The following ATRNL1 variants were observed in gnomAD, a reference collection of about 807,000 sequenced individuals.
ATRNL1 encodes the protein attractin like 1, also known as attractin-like protein 1.
In ATRNL1, 95 loss-of-function variants were observed where a neutral mutation model predicts 182.7. That is an observed-to-expected ratio of 0.52 (90% CI 0.44 to 0.62). The LOEUF (loss-of-function observed/expected upper bound fraction) is 0.62, where lower values mean the gene tolerates loss of function less well. Among genes scored for constraint, ATRNL1 ranks in the 20% least tolerant of loss-of-function variants. The pLI, the probability that ATRNL1 is intolerant of heterozygous loss-of-function variation, is 0.00. For synonymous variants in ATRNL1, 576 were observed against 568.3 expected (o/e 1.01, Z -0.19); for missense variants, 1,471 against 1,679.5 (o/e 0.88, Z 2.17).
At chr10:115,542,126 C>G (rs1033204574) in intron 25 of ATRNL1, among the ~76,000 whole-genome samples, 2 of 152,034 alleles carry the variant, frequency 1.3e-5, no homozygotes, top group Non-Finnish European at 2.9e-5. Flanking sequence ...AGGACTTACC[C>G]AGGAAGATTT....
At chr10:115,591,301 T>C (rs1460797495) in intron 26 of ATRNL1, among the ~76,000 whole-genome samples, 1 of 151,982 alleles carries the variant, frequency 6.6e-6, no homozygotes, top group Non-Finnish European at 1.5e-5. Context: ...GCACAGAAAA[T>C]GGGGTTTATG....
chr10:115,265,427 T>G, intron 11 of ATRNL1, 150 bp downstream of exon 11: 1 of 485,324 alleles, frequency 2.1e-6, no homozygotes, highest in Non-Finnish European at 3.6e-6. Context: ...CATTTTGATT[T>G]GTCAATCATA....
intron 25 of ATRNL1, among the ~76,000 whole-genome samples, chr10:115,528,037 T>TC (rs1851346247): frequency 1.9e-5 from 1 of 53,536 alleles, no homozygotes; most frequent in Non-Finnish European, 4.3e-5. Context: ...CTCCTTCCTT[T>TC]CTTCCTTCCT....
intron 17 of ATRNL1, among the ~76,000 whole-genome samples, chr10:115,303,266 C>T (rs1853574010): frequency 6.7e-6 from 1 of 148,770 alleles, no homozygotes; most frequent in Non-Finnish European, 1.5e-5. Flanking sequence ...ACTCTGTGGC[C>T]CAGGCTGGAG....
intron 13 of ATRNL1, among the ~76,000 whole-genome samples, chr10:115,272,768 G>C (rs952409399): frequency 6.6e-6 from 1 of 152,122 alleles, no homozygotes; most frequent in Non-Finnish European, 1.5e-5. Flanking sequence ...ATCATCAAAA[G>C]CCCATTCCAC....
chr10:115,825,684 A>G (rs973330333), intron 27 of ATRNL1, among the ~76,000 whole-genome samples: 25 of 152,154 alleles, frequency 1.6e-4, no homozygotes, highest in African/African-American at 4.8e-4. Context: ...TAACCATGTC[A>G]AGCTGCATGC....
intron 8 of ATRNL1, among the ~76,000 whole-genome samples, chr10:115,197,537 G>T (rs782469444): frequency 1.3e-5 from 2 of 152,010 alleles, no homozygotes; most frequent in Non-Finnish European, 2.9e-5. Flanking sequence ...TAGATATAGA[G>T]ATATCCAGGT....
intron 10 of ATRNL1, among the ~76,000 whole-genome samples, chr10:115,263,031 A>T (rs1350299551): frequency 6.6e-6 from 1 of 151,906 alleles, no homozygotes; most frequent in African/African-American, 2.4e-5. Context: ...CAAGATACAT[A>T]TAAGAGTGAA....
chr10:115,670,612 C>T (rs1469821253), intron 26 of ATRNL1, among the ~76,000 whole-genome samples: 1 of 152,100 alleles, frequency 6.6e-6, no homozygotes, highest in Non-Finnish European at 1.5e-5. Context: ...TCTTTGAAAT[C>T]AGCCCATTTT....
At chr10:115,468,755 G>A (rs1848174751) in intron 23 of ATRNL1, among the ~76,000 whole-genome samples, 1 of 150,672 alleles carries the variant, frequency 6.6e-6, no homozygotes, top group South Asian at 2.1e-4. Flanking sequence ...TAAATGCTCT[G>A]TGGCATTGTA....
At chr10:115,413,136 T>A (rs932880577) in intron 20 of ATRNL1, among the ~76,000 whole-genome samples, 1 of 152,162 alleles carries the variant, frequency 6.6e-6, no homozygotes, top group Non-Finnish European at 1.5e-5. Context: ...TTGCATAGCA[T>A]TGCATTGTGT....
chr10:115,872,542 G>T (rs1555106343), intron 28 of ATRNL1, among the ~76,000 whole-genome samples: 2 of 152,188 alleles, frequency 1.3e-5, no homozygotes, highest in Non-Finnish European at 2.9e-5. Context: ...ATAAACACCA[G>T]CAAGTAAACT....
chr10:115,466,326 A>G (rs76666736), intron 22 of ATRNL1, among the ~76,000 whole-genome samples: 2,992 of 151,488 alleles, frequency 0.02, 96 homozygotes, highest in African/African-American at 0.067. Context: ...TCTTAGCAGT[A>G]TAGAATTTTC....
rs1175950037 is a variant in ATRNL1, at chr10:115,586,495, T to C, written c.3795+36959T>C. Among the ~76,000 whole-genome samples the C allele has an allele frequency of 5.2e-5, 5 of 96,146 alleles. 1 individual carries two copies. Among genetic ancestry groups the C allele is most frequent in the African/African-American group, 1.4e-4 (5 of 35,224 alleles). The allele number at this position is 96,146 out of a possible 152,430, so 63.1% of individuals were successfully genotyped here. A position where few individuals can be genotyped will look rare whatever the true frequency, so the allele number is the denominator to read the frequency against. On this transcript the variant is annotated intron_variant, in intron 26 of 28. Transcript: ENST00000355044. ...TCTAAACTTCCTTTCTCACTTCATT[T>C]CATTCATTTCGTCTTCCATCACTGA...
At chr10:115,536,062 A>AGGGACCC (rs1404441577) in intron 25 of ATRNL1, among the ~76,000 whole-genome samples, 4 of 151,694 alleles carry the variant, frequency 2.6e-5, no homozygotes, top group African/African-American at 9.7e-5. Context: ...GTCAGGGGTC[A>AGGGACCC]GGGACCCACT....
chr10:115,493,542 T>C (rs1849410104), intron 24 of ATRNL1, among the ~76,000 whole-genome samples: 1 of 152,200 alleles, frequency 6.6e-6, no homozygotes, highest in Admixed American at 6.5e-5. Flanking sequence ...TTATTATGTG[T>C]CTTTTCTATT....
At chr10:115,144,649 A>C (rs1282288123) in intron 5 of ATRNL1, among the ~76,000 whole-genome samples, 1 of 152,208 alleles carries the variant, frequency 6.6e-6, no homozygotes, top group Non-Finnish European at 1.5e-5. Flanking sequence ...TGGAGGAACT[A>C]TTCTCTATTC....
At chr10:115,751,140 T>C (rs1948436613) in intron 27 of ATRNL1, among the ~76,000 whole-genome samples, 2 of 151,936 alleles carry the variant, frequency 1.3e-5, no homozygotes, top group African/African-American at 2.4e-5. Flanking sequence ...TCAGAGGAGA[T>C]GTATCTGATG....
At chr10:115,636,310 C>T (rs1858868594) in intron 26 of ATRNL1, among the ~76,000 whole-genome samples, 1 of 152,106 alleles carries the variant, frequency 6.6e-6, no homozygotes, top group Non-Finnish European at 1.5e-5. Context: ...AGGGGGATCC[C>T]ACCACATCCC....
Sources: gnomAD v4.1 joint callset for allele counts (sites outside exome capture counted in the v4.1 genomes callset) on GRCh38, gnomAD v4.1.1 for gene constraint, MANE v1.5 for transcripts, NCBI Gene and HGNC (gene_info 2026-07-23, HGNC 2026-07-21) for gene names.